SPTBN1: variants seen among roughly 807,000 people sequenced by gnomAD.
SPTBN1 encodes the protein spectrin beta, non-erythrocytic 1.
In SPTBN1, 32 loss-of-function variants were observed where a neutral mutation model predicts 266.4. The observed-to-expected ratio is 0.12, with a 90% confidence interval of 0.09 to 0.16. SPTBN1 has a LOEUF of 0.16. SPTBN1 is among the 10% of genes least tolerant of loss of function. The pLI is 1.00. For synonymous variants in SPTBN1, 1,336 were observed against 1,162.2 expected (o/e 1.15, Z -3.04); for missense variants, 2,296 against 3,067.1 (o/e 0.75, Z 5.94).
intron 1 of SPTBN1, among the ~76,000 whole-genome samples, chr2:54,499,381 A>G (rs1290836672): frequency 2.6e-5 from 4 of 152,204 alleles, no homozygotes; most frequent in African/African-American, 9.7e-5. Flanking sequence ...TAAAAAATAA[A>G]TATTTCAGCC....
At chr2:54,530,834 C>T (rs1179557154) in intron 2 of SPTBN1, among the ~76,000 whole-genome samples, 1 of 152,112 alleles carries the variant, frequency 6.6e-6, no homozygotes, top group East Asian at 1.9e-4. Flanking sequence ...TCTTTTGTTA[C>T]CCATAAGGTG....
intron 1 of SPTBN1, among the ~76,000 whole-genome samples, chr2:54,464,598 C>T (rs901574022): frequency 7.9e-5 from 12 of 152,098 alleles, no homozygotes; most frequent in Non-Finnish European, 1.3e-4. Context: ...AAATATTTCA[C>T]GGTAGAGAAG....
At position 54,646,502 on chromosome 2, in the gene SPTBN1, T is replaced by C; in HGVS notation, c.4866+27T>C. On this transcript the variant is annotated intron_variant, in intron 23 of 35. Transcript: ENST00000356805. The surrounding 1 kb of genome is among the most constrained non-coding windows in gnomAD (Gnocchi z 4.4). ...TGAGAGGAGGCGGGAAGCATCCCTG[T>C]CCCAGGAGAGCCTCAGATTCAAACC... The C allele has an allele frequency of 6.8e-7, 1 of 1,470,904 alleles. No individual in the cohort carries two copies. The allele number at this position is 1,470,904 out of a possible 1,614,324, so 91.1% of individuals were successfully genotyped here.
At chr2:54,593,845 T>TTC (rs1558878797) in intron 2 of SPTBN1, among the ~76,000 whole-genome samples, 2 of 140,896 alleles carry the variant, frequency 1.4e-5, no homozygotes, top group Non-Finnish European at 3.1e-5. Flanking sequence ...TTTTTTTTTT[T>TTC]TTTTTGAGAC....
chr2:54,586,838 C>T (rs939071631), intron 2 of SPTBN1, among the ~76,000 whole-genome samples: 4 of 152,114 alleles, frequency 2.6e-5, no homozygotes. Context: ...TTGTTGGCGA[C>T]GTCAGCTTCT....
In SPTBN1 at chr2:54,618,119, C is replaced by G. The variant is rs753410326; in HGVS notation, c.689C>G (p.Ala230Gly). Reference sequence around the variant, plus strand: ...TTTGACAAACTAAAGAAATCTAACGCACACTACAACCTGCAGAATGCATTT... The same window carrying G: ...TTTGACAAACTAAAGAAATCTAACGGACACTACAACCTGCAGAATGCATTT... ...IDFDKLKKSN[A>G]HYNLQNAFNL... The change falls in exon 7 of 36, where the codon GCA becomes GGA. Residue 230 changes from alanine (A) to glycine (G), a missense_variant. By Grantham distance (60) the Ala-to-Gly change is moderately conservative (BLOSUM62 0). Around this residue, in one of 12 missense-constraint regions of SPTBN1, gnomAD observed 178 missense variants for 375.7 expected, o/e 0.47. Coordinates refer to ENST00000356805, the MANE Select transcript of SPTBN1 (RefSeq NM_003128.3). 6.2e-7 allele frequency: 1 copy of G among 1,614,184 alleles called. No individual in the cohort carries two copies. The highest frequency in any genetic ancestry group is 8.5e-7 in the Non-Finnish European group (1 of 1,180,022).
intron 2 of SPTBN1, among the ~76,000 whole-genome samples, chr2:54,584,459 T>C (rs1049912288): frequency 5.9e-5 from 9 of 152,252 alleles, no homozygotes; most frequent in Non-Finnish European, 1.2e-4. Context: ...AATTTTGATA[T>C]CACTACTTAC....
intron 1 of SPTBN1, among the ~76,000 whole-genome samples, chr2:54,518,235 A>G (rs1321848269): frequency 6.6e-6 from 1 of 151,820 alleles, no homozygotes; most frequent in Admixed American, 6.6e-5. Flanking sequence ...GTTCTCACTC[A>G]TAGGTGGGAA....
chr2:54,473,625 A>C (rs1019303037), intron 1 of SPTBN1, among the ~76,000 whole-genome samples: 2 of 152,162 alleles, frequency 1.3e-5, no homozygotes, highest in Non-Finnish European at 2.9e-5. Context: ...GCATACCATT[A>C]TCTGGTCCCC....
chr2:54,511,187 C>T (rs1381708512), intron 1 of SPTBN1, among the ~76,000 whole-genome samples: 2 of 152,294 alleles, frequency 1.3e-5, no homozygotes, highest in Admixed American at 6.5e-5. Flanking sequence ...CACCATCGCT[C>T]ATTTTTCTTG....
intron 1 of SPTBN1, among the ~76,000 whole-genome samples, chr2:54,520,621 C>G (rs1670377863): frequency 6.6e-6 from 1 of 151,840 alleles, no homozygotes; most frequent in African/African-American, 2.4e-5. Context: ...CTACATATTC[C>G]TTTTTATACA....
intron 1 of SPTBN1, among the ~76,000 whole-genome samples, chr2:54,517,503 A>G (rs918676907): frequency 2.2e-4 from 34 of 152,206 alleles, no homozygotes; most frequent in African/African-American, 7.5e-4. Flanking sequence ...TAGTACAGCT[A>G]TAGATTATTT....
At chr2:54,561,873 T>A (rs979553284) in intron 2 of SPTBN1, among the ~76,000 whole-genome samples, 55 of 79,250 alleles carry the variant, frequency 6.9e-4, no homozygotes, top group African/African-American at 2.1e-3. Context: ...AGTAAATAAG[T>A]GTGATTAAAA....
chr2:54,494,659 A>G (rs1218886326), intron 1 of SPTBN1, among the ~76,000 whole-genome samples: 2 of 152,212 alleles, frequency 1.3e-5, no homozygotes, highest in Admixed American at 6.5e-5. Context: ...GTATGATTCC[A>G]TTTATATAGA....
chr2:54,645,868 T>G lies in SPTBN1; in HGVS notation c.4495-60T>G. 1 of 1,578,734 alleles carries G rather than the reference T, an allele frequency of 6.3e-7. No individual in the cohort carries two copies. Among genetic ancestry groups the G allele is most frequent in the Non-Finnish European group, 8.7e-7 (1 of 1,149,186 alleles). Reference sequence around the variant, plus strand: ...GTCCCTCACTGCCCCTCACTGCTCGTTTGTGTCGTATATTTGTTCCTCTGA... The same window carrying G: ...GTCCCTCACTGCCCCTCACTGCTCGGTTGTGTCGTATATTTGTTCCTCTGA... On this transcript the variant is annotated intron_variant, in intron 21 of 35. Coordinates refer to ENST00000356805, the MANE Select transcript of SPTBN1 (RefSeq NM_003128.3). The surrounding 1 kb of genome is among the most constrained non-coding windows in gnomAD (Gnocchi z 4.3).
chr2:54,644,875 A>G (rs1206898398), intron 20 of SPTBN1, among the ~76,000 whole-genome samples: 2 of 152,236 alleles, frequency 1.3e-5, no homozygotes, highest in Non-Finnish European at 2.9e-5. Context: ...AGTTAAATAA[A>G]TGTTCATCTC....
At chr2:54,600,620 A>G (rs1356472170) in intron 3 of SPTBN1, among the ~76,000 whole-genome samples, 1 of 152,104 alleles carries the variant, frequency 6.6e-6, no homozygotes, top group Non-Finnish European at 1.5e-5. Context: ...TGTGATATGC[A>G]GCTTTAAGTA....
At chr2:54,546,922 C>T (rs1031077707) in intron 2 of SPTBN1, among the ~76,000 whole-genome samples, 5 of 147,844 alleles carry the variant, frequency 3.4e-5, no homozygotes, top group Non-Finnish European at 7.4e-5. Flanking sequence ...CTTGTCTTTA[C>T]TGAAGTATGT....
intron 2 of SPTBN1, chr2:54,529,787 A>G (rs771202999): frequency 3.0e-5 from 17 of 570,964 alleles, no homozygotes; most frequent in Non-Finnish European, 4.7e-5. Context: ...GATGTTGCCA[A>G]CAAAATTGGG....
Sources: gnomAD v4.1 joint callset for allele counts (sites outside exome capture counted in the v4.1 genomes callset) on GRCh38, gnomAD v4.1.1 for gene constraint, gnomAD v4.1.1 regional missense constraint, Gnocchi (gnomAD v3.1) non-coding constraint, MANE v1.5 for transcripts, NCBI Gene and HGNC (gene_info 2026-07-23, HGNC 2026-07-21) for gene names.